LRMDA: variants seen among roughly 807,000 people sequenced by gnomAD.
LRMDA encodes leucine rich melanocyte differentiation associated.
A neutral mutation model predicts 29.8 loss-of-function variants in LRMDA; 18 were observed. The observed-to-expected ratio is 0.60, with a 90% CI of 0.42 to 0.90. The LOEUF (loss-of-function observed/expected upper bound fraction) is 0.90, where lower values mean the gene tolerates loss of function less well. Among genes scored for constraint, LRMDA ranks in the 40% least tolerant of loss-of-function variants. The pLI is 0.00. For synonymous variants in LRMDA, 125 were observed against 109.4 expected, an observed-to-expected ratio of 1.14 and a Z score of -0.89; for missense variants, 273 against 273.9, an observed-to-expected ratio of 1.00 and a Z score of 0.02.
intron 6 of LRMDA, among the ~76,000 whole-genome samples, chr10:76,359,317 TAGG>T (rs1025326287): frequency 7.9e-5 from 12 of 152,286 alleles, no homozygotes; most frequent in African/African-American, 2.9e-4. Context: ...GAAGAAGACA[TAGG>T]AGAAGACCCT....
intron 2 of LRMDA, among the ~76,000 whole-genome samples, chr10:75,845,747 G>T (rs1417991554): frequency 6.6e-6 from 1 of 152,168 alleles, no homozygotes; most frequent in Non-Finnish European, 1.5e-5. Context: ...CACACAGGGA[G>T]ATCGGCTTTG....
chr10:75,898,349 C>G (rs1312496574), intron 2 of LRMDA, among the ~76,000 whole-genome samples: 6 of 152,164 alleles, frequency 3.9e-5, no homozygotes, highest in Non-Finnish European at 8.8e-5. Flanking sequence ...AAAGCAGGTC[C>G]AGAAGTTCTA....
At chr10:76,388,991 T>C (rs1339315165) in intron 6 of LRMDA, among the ~76,000 whole-genome samples, 1 of 152,144 alleles carries the variant, frequency 6.6e-6, no homozygotes, top group Non-Finnish European at 1.5e-5. Flanking sequence ...TAGGGACATA[T>C]GCAGAAGACC....
Position 76,506,720 on chromosome 10 carries a change from A to C in LRMDA, c.602-50489A>C, listed in dbSNP as rs537149729. Among the ~76,000 whole-genome samples the C allele has an allele frequency of 2.6e-5, 4 of 151,880 alleles. No individual in the cohort carries two copies. In the South Asian group the frequency reaches 8.3e-4, roughly 32 times the overall value. On this transcript the variant is annotated intron_variant, in intron 6 of 6. Coordinates refer to ENST00000611255, the MANE Select transcript of LRMDA (RefSeq NM_001305581.2). ...AGTTCCCACATATGAATTATAACATACAATATTTTTCTTTTTGTGCCTGGC... is the reference window on the plus strand; with the variant it reads ...AGTTCCCACATATGAATTATAACATCCAATATTTTTCTTTTTGTGCCTGGC...
intron 6 of LRMDA, among the ~76,000 whole-genome samples, chr10:76,506,311 A>G (rs891370821): frequency 1.3e-4 from 20 of 151,760 alleles, no homozygotes; most frequent in African/African-American, 4.6e-4. Context: ...TTTTCCCTTT[A>G]TAAGTTAGCC....
intron 2 of LRMDA, among the ~76,000 whole-genome samples, chr10:75,749,242 A>G (rs1264692058): frequency 1.3e-5 from 2 of 152,216 alleles, no homozygotes; most frequent in Non-Finnish European, 2.9e-5. Context: ...AGGCTGCAGT[A>G]TGTAATACAT....
intron 5 of LRMDA, among the ~76,000 whole-genome samples, chr10:76,234,202 C>T (rs187564690): frequency 6.6e-6 from 1 of 152,330 alleles, no homozygotes; most frequent in East Asian, 1.9e-4. Context: ...TGTATATCTT[C>T]ATCAGAGCTC....
intron 5 of LRMDA, among the ~76,000 whole-genome samples, chr10:76,093,742 T>C (rs754086873): frequency 3.6e-4 from 55 of 152,144 alleles, no homozygotes; most frequent in Non-Finnish European, 6.9e-4. Flanking sequence ...ACTGACAAGT[T>C]CCAAATAACC....
chr10:76,014,140 A>AAAAT lies in LRMDA; in HGVS notation c.132-21868_132-21867insAAAT, dbSNP rs1412533889. 2.8e-4 allele frequency among the ~76,000 whole-genome samples: 38 copies of AAAAT among 134,848 alleles called. No individual in the cohort carries two copies. In the South Asian group the frequency reaches 3.8e-3, roughly 13 times the overall value. 88.5% of individuals were successfully genotyped at this position (134,848 alleles called of 152,430 possible). A position where few individuals can be genotyped will look rare whatever the true frequency, so the allele number is the denominator to read the frequency against. ...TATATATATAATTATATATATATATATATAATTATATATATATATAATTAT... is the reference window on the plus strand; with the variant it reads ...TATATATATAATTATATATATATATAAAATTATAATTATATATATATATAATTAT... On this transcript the variant is annotated intron_variant, in intron 2 of 6. Transcript: ENST00000611255.
rs370147773 is a variant in LRMDA, at chr10:76,508,130, G to T, written c.602-49079G>T. 2.6e-5 allele frequency among the ~76,000 whole-genome samples: 4 copies of T among 152,142 alleles called. No individual in the cohort carries two copies. In the South Asian group the frequency reaches 8.3e-4, roughly 31 times the overall value. On this transcript the variant is annotated intron_variant, in intron 6 of 6. Transcript: ENST00000611255. ...CCTTCTCAGTGCATTGTATCAGGAG[G>T]TATGTGATATCAATTTCTCCCAGTT...
intron 5 of LRMDA, among the ~76,000 whole-genome samples, chr10:76,115,067 G>C (rs750171996): frequency 6.6e-5 from 10 of 152,228 alleles, no homozygotes; most frequent in Non-Finnish European, 1.3e-4. Flanking sequence ...TCAATAGAGT[G>C]ACAAGGAGGC....
intron 6 of LRMDA, among the ~76,000 whole-genome samples, chr10:76,531,201 C>T (rs1430698798): frequency 2.0e-5 from 3 of 152,096 alleles, no homozygotes; most frequent in South Asian, 2.1e-4. Context: ...AGAGACCAGC[C>T]CCTGTGCTGA....
rs568982802 is a variant in LRMDA, at chr10:75,951,769, A to G, written c.132-84239A>G. ...CTCTCTTCCTGCATGATAAATACAC[A>G]TTTGAAAATATTGATTTGCTGCTAC... On this transcript the variant is annotated intron_variant, in intron 2 of 6. Coordinates refer to ENST00000611255, the MANE Select transcript of LRMDA (RefSeq NM_001305581.2). 2.4e-4 allele frequency among the ~76,000 whole-genome samples: 37 copies of G among 152,296 alleles called. No homozygotes were observed. The South Asian group carries it at 2.9e-3, about 12-fold the overall frequency.
chr10:75,998,255 A>T (rs2057440), intron 2 of LRMDA, among the ~76,000 whole-genome samples: 1 of 151,944 alleles, frequency 6.6e-6, no homozygotes, highest in East Asian at 1.9e-4. Flanking sequence ...ATTTGTTTTG[A>T]CCAGACTTAT....
At chr10:76,006,474 G>C (rs934952635) in intron 2 of LRMDA, among the ~76,000 whole-genome samples, 42 of 152,226 alleles carry the variant, frequency 2.8e-4, no homozygotes, top group Non-Finnish European at 4.9e-4. Context: ...TAACTATTCT[G>C]TTGTTTCTCC....
chr10:75,642,398 G>A (rs548131043), intron 2 of LRMDA: 1 of 152,336 alleles, frequency 6.6e-6, no homozygotes, highest in South Asian at 2.1e-4. Context: ...TGTGGGAGAT[G>A]TGATATAAGG....
At position 75,987,163 on chromosome 10, in the gene LRMDA, A is replaced by G. The variant is rs570312171; in HGVS notation, c.132-48845A>G. Among the ~76,000 whole-genome samples, 10 of 152,210 alleles carry G rather than the reference A, an allele frequency of 6.6e-5. No homozygotes were observed. In the East Asian group the frequency reaches 1.7e-3, roughly 26 times the overall value. On this transcript the variant is annotated intron_variant, in intron 2 of 6. Transcript: ENST00000611255. ...TTAAATTATTTTGTTTTCACTGTAC[A>G]TATTTCTCTGAATACTTTTTACTTA...
chr10:75,837,420 A>G (rs569050779), intron 2 of LRMDA, among the ~76,000 whole-genome samples: 41 of 152,294 alleles, frequency 2.7e-4, no homozygotes, highest in African/African-American at 9.4e-4. Context: ...AAACATTTTC[A>G]TGTTTGTCTA....
At chr10:75,723,644 C>A (rs1842596384) in intron 2 of LRMDA, among the ~76,000 whole-genome samples, 1 of 152,246 alleles carries the variant, frequency 6.6e-6, no homozygotes, top group Non-Finnish European at 1.5e-5. Flanking sequence ...GACAGTGGCT[C>A]CATATAGACA....
Sources: gnomAD v4.1 joint callset for allele counts (sites outside exome capture counted in the v4.1 genomes callset) on GRCh38, gnomAD v4.1.1 for gene constraint, MANE v1.5 for transcripts, NCBI Gene and HGNC (gene_info 2026-07-23, HGNC 2026-07-21) for gene names.